Variants in MLLT10 observed in about 807,000 individuals in gnomAD.
The protein encoded by MLLT10 is protein AF-10.
Under a neutral mutation model 129.1 loss-of-function variants are expected in MLLT10, and 30 were observed. The ratio of observed to expected loss-of-function variants is 0.23; its 90% CI spans 0.17 to 0.32. MLLT10 has a LOEUF of 0.32. MLLT10 is among the 10% of genes least tolerant of loss of function. MLLT10 has a pLI of 1.00. For synonymous variants in MLLT10, 490 were observed against 446.4 expected, an observed-to-expected ratio of 1.10 and a Z score of -1.23; for missense variants, 1,119 against 1,268.3, an observed-to-expected ratio of 0.88 and a Z score of 1.79.
intron 12 of MLLT10, 48 bp downstream of exon 12, chr10:21,681,424 G>T: frequency 7.4e-7 from 1 of 1,342,918 alleles, no homozygotes; most frequent in Non-Finnish European, 1.1e-6. Flanking sequence ...GTCTCCTCTA[G>T]TGCTCTTTCT....
intron 16 of MLLT10, 53 bp from the exon 17 acceptor site, chr10:21,730,847 T>C (rs776307517): frequency 1.9e-5 from 31 of 1,593,944 alleles, no homozygotes; most frequent in Non-Finnish European, 2.6e-5. Context: ...TAAGAAACTG[T>C]ACTCTCTTAA....
At position 21,673,352 on chromosome 10, in the gene MLLT10, A is replaced by T. The variant is rs944636937; in HGVS notation, c.1054A>T (p.Ser352Cys). The T allele has an allele frequency of 1.4e-6, 1 of 697,012 alleles. No homozygotes were observed. 43.2% of individuals were successfully genotyped at this position (697,012 alleles called of 1,614,324 possible). A position where few individuals can be genotyped will look rare whatever the true frequency, so the allele number is the denominator to read the frequency against. The change falls in exon 11 of 23, where the codon AGT becomes TGT. Residue 352 changes from serine (S) to cysteine (C), a missense_variant and splice_region_variant. Transcript: ENST00000307729. ...VSAASPFPQG[S>C]FSGTPGSVKS... ...TTTTTTTTTTTTTTAAACTACAGGC[A>T]GTTTTTCAGGAACTCCAGGCAGTGT...
At chr10:21,707,253 C>T (rs189566437) in intron 13 of MLLT10, among the ~76,000 whole-genome samples, 7 of 142,626 alleles carry the variant, frequency 4.9e-5, no homozygotes, top group Non-Finnish European at 1.0e-4. Flanking sequence ...AGTGCAGTGG[C>T]GCGATCTCGA....
At chr10:21,589,050 T>G (rs769632935) in intron 4 of MLLT10, among the ~76,000 whole-genome samples, 1 of 152,110 alleles carries the variant, frequency 6.6e-6, no homozygotes, top group Non-Finnish European at 1.5e-5. Context: ...GTGATGGGAC[T>G]ACAGGTGTGA....
At chr10:21,553,945 C>T (rs1229627375) in intron 3 of MLLT10, among the ~76,000 whole-genome samples, 1 of 152,172 alleles carries the variant, frequency 6.6e-6, no homozygotes, top group Non-Finnish European at 1.5e-5. Context: ...CCGCTGCACC[C>T]AGCCGATTCT....
chr10:21,619,917 TTTTTTC>T (rs1456723702), intron 8 of MLLT10, among the ~76,000 whole-genome samples: 213 of 151,966 alleles, frequency 1.4e-3, no homozygotes, highest in Admixed American at 2.2e-3. Flanking sequence ...TTTTAAGTTT[TTTTTTC>T]TTTTTCTTTT....
chr10:21,660,344 C>T (rs1380944063), intron 9 of MLLT10, among the ~76,000 whole-genome samples: 12 of 146,876 alleles, frequency 8.2e-5, no homozygotes, highest in African/African-American at 2.2e-4. Context: ...AGGCCAGGCA[C>T]GGTGGCTCAC....
chr10:21,709,803 C>T (rs1225848014), intron 13 of MLLT10, among the ~76,000 whole-genome samples: 1 of 151,976 alleles, frequency 6.6e-6, no homozygotes, highest in African/African-American at 2.4e-5. Context: ...AGTGCAGTGG[C>T]ACAATCTCGG....
chr10:21,573,562 C>G (rs572193819), intron 3 of MLLT10, among the ~76,000 whole-genome samples: 5 of 150,094 alleles, frequency 3.3e-5, no homozygotes, highest in African/African-American at 1.2e-4. Flanking sequence ...TCAAATGTTA[C>G]GCTAAATGCC....
At chr10:21,705,007 T>C (rs1392669014) in intron 13 of MLLT10, among the ~76,000 whole-genome samples, 3 of 152,068 alleles carry the variant, frequency 2.0e-5, no homozygotes, top group Non-Finnish European at 4.4e-5. Flanking sequence ...TGTTAGTGGG[T>C]CCAGGTAGGC....
chr10:21,556,717 T>C lies in MLLT10; in HGVS notation c.240+17805T>C, dbSNP rs373961871. The C allele has an allele frequency of 2.5e-6, 4 of 1,612,390 alleles. No individual in the cohort carries two copies. In the African/African-American group the frequency reaches 5.3e-5, roughly 22 times the overall value. ...GATACATAGAACATCACTGCGCATGTGCATCTCCCCACCCCCGATGCCTGG... is the reference window on the plus strand; with the variant it reads ...GATACATAGAACATCACTGCGCATGCGCATCTCCCCACCCCCGATGCCTGG... On this transcript the variant is annotated intron_variant, in intron 3 of 22. Coordinates refer to ENST00000307729, the MANE Select transcript of MLLT10 (RefSeq NM_001195626.3).
intron 8 of MLLT10, chr10:21,625,499 C>A (rs1307131073): frequency 1.0e-6 from 1 of 969,114 alleles, no homozygotes; most frequent in Non-Finnish European, 1.7e-6. Context: ...ACTGTAACTA[C>A]ATTTCCCCAT....
chr10:21,646,246 C>A (rs994154452), intron 8 of MLLT10, among the ~76,000 whole-genome samples: 2 of 152,122 alleles, frequency 1.3e-5, no homozygotes, highest in African/African-American at 4.8e-5. Flanking sequence ...TCCTGTATAA[C>A]TGTCTTTAGC....
chr10:21,720,320 T>C (rs1204674179), intron 14 of MLLT10, among the ~76,000 whole-genome samples: 1 of 152,242 alleles, frequency 6.6e-6, no homozygotes, highest in East Asian at 1.9e-4. Context: ...AGCCTACTCA[T>C]GGGACCTGAA....
chr10:21,588,777 G>GT (rs1376840831), intron 4 of MLLT10, among the ~76,000 whole-genome samples: 4 of 149,278 alleles, frequency 2.7e-5, no homozygotes, highest in Non-Finnish European at 5.9e-5. Flanking sequence ...AGAGCAGTTT[G>GT]TTTTTTCTCT....
chr10:21,688,789 T>G (rs773368122), intron 13 of MLLT10, among the ~76,000 whole-genome samples: 19 of 152,130 alleles, frequency 1.2e-4, no homozygotes, highest in Non-Finnish European at 1.9e-4. Context: ...TGAAACTGTT[T>G]ACTTGTAAGG....
chr10:21,596,210 C>T (rs1041379834), intron 5 of MLLT10, among the ~76,000 whole-genome samples: 1 of 151,982 alleles, frequency 6.6e-6, no homozygotes, highest in Non-Finnish European at 1.5e-5. Context: ...TCAGGTTCAT[C>T]CAGGTTTTTT....
intron 8 of MLLT10, among the ~76,000 whole-genome samples, chr10:21,638,354 C>A (rs944167200): frequency 2.0e-5 from 3 of 152,000 alleles, no homozygotes; most frequent in Admixed American, 2.0e-4. Flanking sequence ...TATAACATAT[C>A]ATTTCCTCTT....
At chr10:21,708,132 C>A (rs1416924749) in intron 13 of MLLT10, among the ~76,000 whole-genome samples, 2 of 152,150 alleles carry the variant, frequency 1.3e-5, no homozygotes, top group East Asian at 3.9e-4. Flanking sequence ...CAGCTCCTAG[C>A]CTCATTCCTC....
Sources: allele counts gnomAD v4.1 joint callset (sites outside exome capture counted in the v4.1 genomes callset), GRCh38; gene constraint gnomAD v4.1.1; transcripts MANE v1.5; gene names NCBI Gene and HGNC (gene_info 2026-07-23, HGNC 2026-07-21).